Variants in SOX6 observed in about 807,000 individuals in gnomAD.
SOX6 encodes transcription factor SOX-6.
Under a neutral mutation model 97.8 loss-of-function variants are expected in SOX6, and 11 were observed. The ratio of observed to expected loss-of-function variants is 0.11; its 90% CI spans 0.07 to 0.19. The LOEUF (loss-of-function observed/expected upper bound fraction) is 0.19. Ranked by LOEUF, SOX6 falls within the 10% of genes least tolerant of loss-of-function variation. The probability of loss-of-function intolerance (pLI) is 1.00; values close to 1 mark genes in which losing one functional copy is unlikely to be tolerated. For missense variants in SOX6, 810 were observed against 1,039.5 expected (o/e 0.78, Z 3.04); for synonymous variants, 360 against 371.4 (o/e 0.97, Z 0.35).
At chr11:16,514,951 G>C (rs1203146842) in intron 4 of SOX6, among the ~76,000 whole-genome samples, 1 of 151,710 alleles carries the variant, frequency 6.6e-6, no homozygotes, top group Non-Finnish European at 1.5e-5. Context: ...TATCATTGTT[G>C]GACACTTGGG....
intron 3 of SOX6, among the ~76,000 whole-genome samples, chr11:16,707,196 T>C (rs1261241646): frequency 6.6e-6 from 1 of 152,190 alleles, no homozygotes; most frequent in Non-Finnish European, 1.5e-5. Flanking sequence ...GTGTTTTATT[T>C]AAAATAAATT....
chr11:16,282,112 C>T (rs964508270), intron 3 of SOX6, among the ~76,000 whole-genome samples: 9 of 150,628 alleles, frequency 6.0e-5, no homozygotes, highest in African/African-American at 9.7e-5. Flanking sequence ...TACTTTCTCT[C>T]ATAAATCTCA....
intron 3 of SOX6, among the ~76,000 whole-genome samples, chr11:16,251,879 T>G (rs556274104): frequency 5.9e-5 from 9 of 152,258 alleles, no homozygotes; most frequent in African/African-American, 2.2e-4. Context: ...CGAAGTTGCT[T>G]GAAGATTCAA....
At chr11:16,527,772 T>C (rs1438599302) in intron 4 of SOX6, among the ~76,000 whole-genome samples, 2 of 151,906 alleles carry the variant, frequency 1.3e-5, no homozygotes, top group African/African-American at 4.8e-5. Context: ...TGAAATGACA[T>C]ACAGAGAAAC....
At chr11:16,282,111 T>C (rs1854582946) in intron 3 of SOX6, among the ~76,000 whole-genome samples, 2 of 150,778 alleles carry the variant, frequency 1.3e-5, no homozygotes, top group Non-Finnish European at 1.5e-5. Context: ...ATACTTTCTC[T>C]CATAAATCTC....
At chr11:16,100,045 G>A (rs1480026712) in intron 7 of SOX6, among the ~76,000 whole-genome samples, 1 of 151,554 alleles carries the variant, frequency 6.6e-6, no homozygotes, top group Non-Finnish European at 1.5e-5. Context: ...AGAAGAGGGA[G>A]ATTACAAGTA....
intron 3 of SOX6, among the ~76,000 whole-genome samples, chr11:16,693,700 G>A (rs1356122937): frequency 1.3e-5 from 2 of 152,138 alleles, no homozygotes; most frequent in Non-Finnish European, 2.9e-5. Context: ...ACTCCTGGAT[G>A]TAAATGTAAT....
At chr11:16,165,567 A>T (rs1434502923) in intron 6 of SOX6, among the ~76,000 whole-genome samples, 1 of 152,170 alleles carries the variant, frequency 6.6e-6, no homozygotes, top group Admixed American at 6.5e-5. Flanking sequence ...AGCATTACTG[A>T]TTTTCAAAAA....
At chr11:16,543,039 C>T (rs897213391) in intron 4 of SOX6, among the ~76,000 whole-genome samples, 4 of 152,048 alleles carry the variant, frequency 2.6e-5, no homozygotes, top group African/African-American at 9.7e-5. Context: ...AACACACACA[C>T]ACAAATACAC....
At chr11:16,520,720 C>T (rs1290909712) in intron 4 of SOX6, among the ~76,000 whole-genome samples, 2 of 152,190 alleles carry the variant, frequency 1.3e-5, no homozygotes, top group East Asian at 3.9e-4. Context: ...GTTCCCTTTC[C>T]CAGTCAAAGA....
intron 9 of SOX6, among the ~76,000 whole-genome samples, chr11:16,093,027 C>T (rs947742238): frequency 5.9e-5 from 9 of 151,956 alleles, no homozygotes; most frequent in South Asian, 4.2e-4. Flanking sequence ...CTGAAGAAAG[C>T]AAATGGCAAC....
At chr11:16,597,823 C>T (rs1848228552) in intron 4 of SOX6, among the ~76,000 whole-genome samples, 1 of 151,932 alleles carries the variant, frequency 6.6e-6, no homozygotes, top group Non-Finnish European at 1.5e-5. Context: ...CTTTTCTAGG[C>T]CTTAGAATTG....
chr11:16,526,205 T>C (rs1861161417), intron 4 of SOX6, among the ~76,000 whole-genome samples: 1 of 152,178 alleles, frequency 6.6e-6, no homozygotes, highest in East Asian at 1.9e-4. Flanking sequence ...TGCGGCACTA[T>C]TCACAATAGC....
chr11:15,979,170 C>T (rs1412573751), intron 15 of SOX6, among the ~76,000 whole-genome samples: 2 of 150,730 alleles, frequency 1.3e-5, no homozygotes, highest in Non-Finnish European at 3.0e-5. Flanking sequence ...TCATGGCCAT[C>T]CTGTTCTTGG....
At chr11:16,207,599 A>G (rs1852109368) in intron 4 of SOX6, among the ~76,000 whole-genome samples, 1 of 152,008 alleles carries the variant, frequency 6.6e-6, no homozygotes, top group Admixed American at 6.6e-5. Flanking sequence ...ATCTCAAAAA[A>G]AAAAAAAAAG....
chr11:16,520,367 T>C (rs1437770043), intron 4 of SOX6, among the ~76,000 whole-genome samples: 1 of 152,228 alleles, frequency 6.6e-6, no homozygotes, highest in Non-Finnish European at 1.5e-5. Flanking sequence ...TTTGAGTTAA[T>C]TCTTCTATAT....
At chr11:16,100,711 T>C (rs1405088278) in intron 7 of SOX6, among the ~76,000 whole-genome samples, 2 of 150,818 alleles carry the variant, frequency 1.3e-5, no homozygotes, top group Non-Finnish European at 3.0e-5. Flanking sequence ...CCTCCTGCAA[T>C]AATGCTTTTA....
chr11:16,495,674 C>T (rs1217355694), intron 4 of SOX6, among the ~76,000 whole-genome samples: 1 of 152,228 alleles, frequency 6.6e-6, no homozygotes, highest in African/African-American at 2.4e-5. Context: ...ACTGCCATTG[C>T]CCATGCAACA....
intron 13 of SOX6, among the ~76,000 whole-genome samples, chr11:15,991,884 G>C (rs1282961963): frequency 6.6e-6 from 1 of 152,106 alleles, no homozygotes; most frequent in African/African-American, 2.4e-5. Flanking sequence ...CTGTACCACA[G>C]TCTTCACATA....
Sources: allele counts gnomAD v4.1 joint callset (sites outside exome capture counted in the v4.1 genomes callset), GRCh38; gene constraint gnomAD v4.1.1; transcripts MANE v1.5; gene names NCBI Gene and HGNC (gene_info 2026-07-23, HGNC 2026-07-21).